The following CPNE4 variants were observed in gnomAD, a reference collection of about 807,000 sequenced individuals.
CPNE4 encodes copine-4.
Under a neutral mutation model 67.9 loss-of-function variants are expected in CPNE4, and 25 were observed. That is an observed-to-expected ratio of 0.37 (90% confidence interval 0.27 to 0.51). The LOEUF (loss-of-function observed/expected upper bound fraction) is 0.51, where lower values mean the gene tolerates loss of function less well. Among genes scored for constraint, CPNE4 ranks in the 20% least tolerant of loss-of-function variants. CPNE4 has a pLI of 0.93. For synonymous variants in CPNE4, 242 were observed against 244.9 expected, an observed-to-expected ratio of 0.99 and a Z score of 0.11; for missense variants, 464 against 690.8, an observed-to-expected ratio of 0.67 and a Z score of 3.68.
chr3:131,789,946 C>A lies in CPNE4; in HGVS notation c.181-66321G>T, dbSNP rs192709965. ...GAAGTTTAAAGCATGTAAGTAGGCA[C>A]TCAATCTATGTCTGTTTTCTTCCTC... On this transcript the variant is annotated intron_variant, in intron 2 of 15. Transcript: ENST00000429747. Among the ~76,000 whole-genome samples, 102 of 152,280 alleles carry A rather than the reference C, an allele frequency of 6.7e-4. 1 individual carries two copies. Among genetic ancestry groups the A allele is most frequent in the Non-Finnish European group, 1.3e-3 (87 of 67,998 alleles).
chr3:131,982,003 C>T (rs2072921115), intron 1 of CPNE4, among the ~76,000 whole-genome samples: 1 of 152,158 alleles, frequency 6.6e-6, no homozygotes, highest in Non-Finnish European at 1.5e-5. Context: ...CTGGTTTGTT[C>T]TTGCAGTCAA....
chr3:131,582,799 T>C (rs1164888083), intron 8 of CPNE4, among the ~76,000 whole-genome samples: 1 of 152,044 alleles, frequency 6.6e-6, no homozygotes, highest in Admixed American at 6.5e-5. Flanking sequence ...AAAGTATACC[T>C]GGAGAAATAT....
rs766408589 is a variant in CPNE4 at position 131,905,396 on chromosome 3, T to A, written c.48A>T (p.Gly16=). Residue 16 remains glycine, a synonymous_variant, in exon 2 of 16, where the codon GGA becomes GGT. Transcript: ENST00000429747. ...NIYESAANTL[G]IFNSPCLTKV... ...TGGTCAGGCAGGGGCTGTTAAAGAT[T>A]CCCAGTGTGTTGGCAGCGGACTCAT... 3.7e-6 allele frequency: 6 copies of A among 1,613,344 alleles called. No homozygotes were observed. The African/African-American group carries it at 6.7e-5, about 18-fold the overall frequency.
At chr3:132,037,722 G>T, upstream of CPNE4, 2 of 856,950 alleles carry the variant, frequency 2.3e-6, no homozygotes, top group Non-Finnish European at 3.8e-6. Flanking sequence ...TGTTTGATAA[G>T]ATAAGAGGAG....
At chr3:132,029,828 T>C (rs566044959) in intron 1 of CPNE4, among the ~76,000 whole-genome samples, 2 of 152,362 alleles carry the variant, frequency 1.3e-5, no homozygotes, top group East Asian at 3.9e-4. Context: ...AATGACGCTT[T>C]AATTTAAAAC....
intron 7 of CPNE4, among the ~76,000 whole-genome samples, 165 bp downstream of exon 7, chr3:131,669,510 T>A (rs1268137620): frequency 1.3e-5 from 2 of 152,200 alleles, no homozygotes; most frequent in Non-Finnish European, 2.9e-5. Flanking sequence ...TCAATGGCTC[T>A]AGAAGAAGAA....
At chr3:131,967,510 G>A (rs1042247448) in intron 1 of CPNE4, among the ~76,000 whole-genome samples, 2 of 152,156 alleles carry the variant, frequency 1.3e-5, no homozygotes, top group Non-Finnish European at 2.9e-5. Context: ...AAGGTGATAA[G>A]CAACTTCAGC....
In CPNE4 at chr3:131,953,249, A is replaced by AAAAAT. The variant is rs1560669141; in HGVS notation, c.-1-47806_-1-47805insATTTT. Among the ~76,000 whole-genome samples the AAAAAT allele has an allele frequency of 1.1e-4, 16 of 141,058 alleles. No homozygotes were observed. The East Asian group carries it at 1.2e-3, about 11-fold the overall frequency. The allele number at this position is 141,058 out of a possible 152,430, so 92.5% of individuals were successfully genotyped here. A position where few individuals can be genotyped will look rare whatever the true frequency, so the allele number is the denominator to read the frequency against. ...CCAAGAATGATCAATTAAAAAAAAA[A>AAAAAT]AAAAAAAAAAAAAAAAAGAATGGTG... On this transcript the variant is annotated intron_variant, in intron 1 of 15. Coordinates refer to ENST00000429747, the MANE Select transcript of CPNE4 (RefSeq NM_130808.3).
chr3:131,853,369 T>G (rs989335663), intron 2 of CPNE4, among the ~76,000 whole-genome samples: 1 of 150,972 alleles, frequency 6.6e-6, no homozygotes. Flanking sequence ...AACTCGATAC[T>G]TGTGTGTGTG....
chr3:132,029,215 T>C (rs2074185748), intron 1 of CPNE4, among the ~76,000 whole-genome samples: 1 of 152,180 alleles, frequency 6.6e-6, no homozygotes, highest in South Asian at 2.1e-4. Context: ...CAGAAAGGCC[T>C]GTCACGAGGA....
intron 1 of CPNE4, among the ~76,000 whole-genome samples, chr3:131,973,113 AGT>A (rs1253610213): frequency 6.6e-6 from 1 of 152,176 alleles, no homozygotes; most frequent in African/African-American, 2.4e-5. Context: ...ATAAACTCAC[AGT>A]GTGTGTGGTG....
At chr3:131,947,830 T>G (rs1332908406) in intron 1 of CPNE4, among the ~76,000 whole-genome samples, 1 of 152,168 alleles carries the variant, frequency 6.6e-6, no homozygotes, top group Non-Finnish European at 1.5e-5. Context: ...CCACAATGGT[T>G]GAACTAATTT....
chr3:131,924,297 GGATAAGGCAA>G (rs1583461650), intron 1 of CPNE4, among the ~76,000 whole-genome samples: 2 of 152,200 alleles, frequency 1.3e-5, no homozygotes, highest in East Asian at 3.9e-4. Context: ...GGAGTGGGAG[GGATAAGGCAA>G]GAGAAGCAGA....
intron 11 of CPNE4, among the ~76,000 whole-genome samples, chr3:131,559,579 A>T (rs1936649977): frequency 6.6e-6 from 1 of 152,046 alleles, no homozygotes; most frequent in Admixed American, 6.6e-5. Context: ...AAATACTTTG[A>T]ATCTTTTCAT....
chr3:131,825,524 G>C (rs1246044240), intron 2 of CPNE4, among the ~76,000 whole-genome samples: 3 of 151,222 alleles, frequency 2.0e-5, no homozygotes, highest in African/African-American at 7.3e-5. Flanking sequence ...GGTAACTTCT[G>C]TCAGTAACCA....
chr3:131,854,640 G>A (rs1398767), intron 2 of CPNE4, among the ~76,000 whole-genome samples: 48,538 of 151,628 alleles, frequency 0.32, 8,299 homozygotes, highest in African/African-American at 0.42. Context: ...ATCCATGTAA[G>A]GCATCTACAT....
rs139666455 is a variant in CPNE4, at chr3:131,671,207, A to T, written c.592-1443T>A. ...CTAGACTCATTGTTAAATTTCTTCTAATGCATTGAAGTGGAGAAATAATGT... is the reference window on the plus strand; with the variant it reads ...CTAGACTCATTGTTAAATTTCTTCTTATGCATTGAAGTGGAGAAATAATGT... On this transcript the variant is annotated intron_variant, in intron 6 of 15. Coordinates refer to ENST00000429747, the MANE Select transcript of CPNE4 (RefSeq NM_130808.3). Among the ~76,000 whole-genome samples, 41 of 152,314 alleles carry T rather than the reference A, an allele frequency of 2.7e-4. No homozygotes were observed. In the East Asian group the frequency reaches 7.5e-3, roughly 28 times the overall value.
chr3:132,003,733 A>G (rs2073515974), intron 1 of CPNE4, among the ~76,000 whole-genome samples: 1 of 152,106 alleles, frequency 6.6e-6, no homozygotes, highest in African/African-American at 2.4e-5. Flanking sequence ...TGATTAAATT[A>G]AAATTCAGCT....
intron 2 of CPNE4, among the ~76,000 whole-genome samples, chr3:131,844,459 G>A (rs993349428): frequency 6.6e-5 from 10 of 151,946 alleles, no homozygotes; most frequent in Non-Finnish European, 1.5e-4. Context: ...GTAGAGACGA[G>A]GTTTCACCAT....
Sources: gnomAD v4.1 joint callset for allele counts (sites outside exome capture counted in the v4.1 genomes callset) on GRCh38, gnomAD v4.1.1 for gene constraint, MANE v1.5 for transcripts, NCBI Gene and HGNC (gene_info 2026-07-23, HGNC 2026-07-21) for gene names.